The following WWOX variants were observed in gnomAD, a reference collection of about 807,000 sequenced individuals.
WWOX encodes WW domain containing oxidoreductase.
A neutral mutation model predicts 46.2 loss-of-function variants in WWOX; 69 were observed. The ratio of observed to expected loss-of-function variants is 1.49; its 90% confidence interval spans 1.23 to 1.82. WWOX has a LOEUF of 1.82. Ranked by LOEUF, WWOX falls within the 40% of genes most tolerant of loss-of-function variation. The pLI, the probability that WWOX is intolerant of heterozygous loss-of-function variation, is 0.00. For synonymous variants in WWOX, 359 were observed against 202.6 expected, an observed-to-expected ratio of 1.77 and a Z score of -6.56; for missense variants, 919 against 542.6, an observed-to-expected ratio of 1.69 and a Z score of -6.89.
At chr16:78,428,471 C>T (rs7203908) in intron 7 of WWOX, among the ~76,000 whole-genome samples, 29,563 of 152,004 alleles carry the variant, frequency 0.19, 4,078 homozygotes, top group African/African-American at 0.38. Context: ...GTCACCCTTA[C>T]AGGGAAGGGC....
At chr16:78,813,431 A>C (rs1035209451) in intron 8 of WWOX, among the ~76,000 whole-genome samples, 1 of 152,132 alleles carries the variant, frequency 6.6e-6, no homozygotes, top group Non-Finnish European at 1.5e-5. Context: ...AGGATACTTG[A>C]GCTGAGTTTT....
intron 8 of WWOX, among the ~76,000 whole-genome samples, chr16:78,800,552 T>C (rs62038638): frequency 0.058 from 8,777 of 152,146 alleles, 272 homozygotes; most frequent in African/African-American, 0.074. Flanking sequence ...CCTGCAAACG[T>C]GAATTAATAT....
intron 8 of WWOX, among the ~76,000 whole-genome samples, chr16:78,765,755 G>T (rs1026568164): frequency 3.0e-4 from 46 of 152,294 alleles, no homozygotes; most frequent in Admixed American, 1.2e-3. Flanking sequence ...AGGAGGGACT[G>T]GCATGGAGAG....
intron 8 of WWOX, among the ~76,000 whole-genome samples, chr16:78,771,684 A>G (rs1217162191): frequency 1.3e-5 from 2 of 152,088 alleles, no homozygotes; most frequent in East Asian, 3.9e-4. Context: ...AAGCAGGAGA[A>G]TTGCTTGAGC....
In WWOX at chr16:78,746,324, A is replaced by G. The variant is rs2049346160; in HGVS notation, c.1056+313572A>G. 1.3e-5 allele frequency among the ~76,000 whole-genome samples: 2 copies of G among 152,096 alleles called. 1 individual carries two copies. Among genetic ancestry groups the G allele is most frequent in the Admixed American group, 1.3e-4 (2 of 15,256 alleles). ...ACCAGCCTTGGCAATATAGCAAGAC[A>G]TTGCCTGTACAAAAAATTTAAAAAT... On this transcript the variant is annotated intron_variant, in intron 8 of 8. Transcript: ENST00000566780.
intron 8 of WWOX, among the ~76,000 whole-genome samples, chr16:79,179,962 C>G (rs1013446857): frequency 6.6e-6 from 1 of 152,146 alleles, no homozygotes; most frequent in Non-Finnish European, 1.5e-5. Flanking sequence ...ACATACAAGA[C>G]TTAAGTCCAT....
At chr16:79,004,088 G>T (rs1260557411) in intron 8 of WWOX, 8 of 152,108 alleles carry the variant, frequency 5.3e-5, no homozygotes, top group Admixed American at 5.2e-4. Flanking sequence ...GCATACTGTA[G>T]ACCATCATCT....
At chr16:78,799,277 C>T (rs2050823249) in intron 8 of WWOX, among the ~76,000 whole-genome samples, 1 of 152,090 alleles carries the variant, frequency 6.6e-6, no homozygotes, top group Admixed American at 6.6e-5. Flanking sequence ...AGTTCATGGG[C>T]AGGGTACAGT....
At chr16:78,470,188 A>ATTG in intron 8 of WWOX, among the ~76,000 whole-genome samples, 1 of 152,306 alleles carries the variant, frequency 6.6e-6, no homozygotes, top group African/African-American at 2.4e-5. Flanking sequence ...GTCTGCACAA[A>ATTG]GCTGGTGGAA....
At chr16:79,079,215 G>C (rs2048715620) in intron 8 of WWOX, among the ~76,000 whole-genome samples, 1 of 152,154 alleles carries the variant, frequency 6.6e-6, no homozygotes, top group Non-Finnish European at 1.5e-5. Flanking sequence ...AGCATCCGCG[G>C]TCTTAGCAAC....
At chr16:78,240,371 G>A (rs894093839) in intron 5 of WWOX, among the ~76,000 whole-genome samples, 1 of 152,086 alleles carries the variant, frequency 6.6e-6, no homozygotes, top group Non-Finnish European at 1.5e-5. Flanking sequence ...ACACAGAGGA[G>A]AAGGCTCTGT....
At chr16:78,121,100 G>C (rs2033072421) in intron 4 of WWOX, among the ~76,000 whole-genome samples, 1 of 152,048 alleles carries the variant, frequency 6.6e-6, no homozygotes, top group Admixed American at 6.6e-5. Context: ...TTGGGATCTT[G>C]AAATGCCTGA....
At chr16:79,051,475 C>G (rs548081147) in intron 8 of WWOX, among the ~76,000 whole-genome samples, 8 of 151,928 alleles carry the variant, frequency 5.3e-5, no homozygotes, top group Non-Finnish European at 1.0e-4. Context: ...TTGCCACATT[C>G]TCCAGGCCAC....
intron 8 of WWOX, among the ~76,000 whole-genome samples, chr16:78,620,692 G>T (rs977944837): frequency 3.1e-4 from 47 of 151,350 alleles, no homozygotes; most frequent in East Asian, 7.8e-4. Flanking sequence ...AGGAAATATG[G>T]TTTTTTTTTC....
At chr16:78,136,114 C>G (rs898465508) in intron 4 of WWOX, among the ~76,000 whole-genome samples, 1 of 152,088 alleles carries the variant, frequency 6.6e-6, no homozygotes, top group Non-Finnish European at 1.5e-5. Context: ...GTTGGTTAGC[C>G]AAGTTATTGA....
At chr16:78,821,791 C>G (rs540696878) in intron 8 of WWOX, among the ~76,000 whole-genome samples, 1 of 152,280 alleles carries the variant, frequency 6.6e-6, no homozygotes, top group East Asian at 1.9e-4. Flanking sequence ...GTGTCAGACA[C>G]AAAATAGTCA....
intron 8 of WWOX, among the ~76,000 whole-genome samples, chr16:78,638,064 C>A (rs796284790): frequency 1.8e-4 from 27 of 152,284 alleles, no homozygotes; most frequent in African/African-American, 6.3e-4. Flanking sequence ...CTGGGTTCTC[C>A]GTACCGCTTT....
At chr16:78,991,143 T>A (rs924251340) in intron 8 of WWOX, among the ~76,000 whole-genome samples, 3 of 152,192 alleles carry the variant, frequency 2.0e-5, no homozygotes, top group Non-Finnish European at 4.4e-5. Context: ...ACTAAGTCAT[T>A]GATGGCACAT....
rs1392143732 is a variant in WWOX, at chr16:78,340,858, C to T, written c.517-46002C>T. On this transcript the variant is annotated intron_variant, in intron 5 of 8. Coordinates refer to ENST00000566780, the MANE Select transcript of WWOX (RefSeq NM_016373.4). The stretch of plus-strand genomic sequence containing the variant: ...AAAGTCTGTGTTTTCAGTATCATGC[C>T]ACTGTTCTCACCTGTTTATGTTCTC... Among the ~76,000 whole-genome samples the T allele has an allele frequency of 1.7e-5, 2 of 118,438 alleles. 1 individual carries two copies. The highest frequency in any genetic ancestry group is 4.0e-5 in the Non-Finnish European group (2 of 49,932). 77.7% of individuals were successfully genotyped at this position (118,438 alleles called of 152,430 possible). A position where few individuals can be genotyped will look rare whatever the true frequency, so the allele number is the denominator to read the frequency against.
Sources: allele counts gnomAD v4.1 joint callset (sites outside exome capture counted in the v4.1 genomes callset), GRCh38; gene constraint gnomAD v4.1.1; transcripts MANE v1.5; gene names NCBI Gene and HGNC (gene_info 2026-07-23, HGNC 2026-07-21).